The following TTLL9 variants were observed in gnomAD, a reference collection of about 807,000 sequenced individuals.
The protein encoded by TTLL9 is tubulin tyrosine ligase like 9.
A neutral mutation model predicts 65.6 loss-of-function variants in TTLL9; 47 were observed. That is an observed-to-expected ratio of 0.72 (90% CI 0.57 to 0.91). The LOEUF (loss-of-function observed/expected upper bound fraction) is 0.91, where lower values mean the gene tolerates loss of function less well. Among genes scored for constraint, TTLL9 ranks in the 40% least tolerant of loss-of-function variants. TTLL9 has a pLI of 0.00. For missense variants in TTLL9, 537 were observed against 568.8 expected (o/e 0.94, Z 0.57); for synonymous variants, 179 against 204.8 (o/e 0.87, Z 1.07).
At chr20:31,902,847 G>T (rs191454108) in intron 4 of TTLL9, among the ~76,000 whole-genome samples, 23 of 152,080 alleles carry the variant, frequency 1.5e-4, no homozygotes, top group Admixed American at 8.5e-4. Flanking sequence ...ACCAACTCTC[G>T]TTATTATTCA....
At chr20:31,910,479 C>T (rs1389470559) in intron 6 of TTLL9, among the ~76,000 whole-genome samples, 3 of 152,186 alleles carry the variant, frequency 2.0e-5, no homozygotes, top group South Asian at 4.1e-4. Flanking sequence ...GAGGGATCCA[C>T]AGGAGGCTCT....
chr20:31,881,270 A>G (rs1427467718), intron 2 of TTLL9, among the ~76,000 whole-genome samples: 2 of 152,150 alleles, frequency 1.3e-5, no homozygotes, highest in Non-Finnish European at 2.9e-5. Flanking sequence ...TCATGTGACT[A>G]TTTGTTTAAC....
chr20:31,871,497 T>C (rs1200010035), intron 2 of TTLL9, among the ~76,000 whole-genome samples: 1 of 152,198 alleles, frequency 6.6e-6, no homozygotes, highest in Non-Finnish European at 1.5e-5. Context: ...CCAGCTTTGT[T>C]CCTTCAGCCA....
intron 6 of TTLL9, 24 bp downstream of exon 6, chr20:31,909,946 G>A: frequency 6.4e-7 from 1 of 1,567,454 alleles, no homozygotes; most frequent in East Asian, 2.3e-5. Flanking sequence ...GCCAGGGGCT[G>A]GGTGGGAGGG....
chr20:31,940,311 T>G (rs1283785802), intron 14 of TTLL9: 2 of 152,244 alleles, frequency 1.3e-5, no homozygotes, highest in Non-Finnish European at 2.9e-5. Context: ...TTTTTTAAAT[T>G]TGCATTTCTT....
chr20:31,908,043 C>T (rs2063585642), intron 4 of TTLL9, among the ~76,000 whole-genome samples: 1 of 152,128 alleles, frequency 6.6e-6, no homozygotes, highest in Admixed American at 6.5e-5. Flanking sequence ...GGGTGTGGGT[C>T]CTGCTGCTGC....
intron 7 of TTLL9, among the ~76,000 whole-genome samples, chr20:31,920,161 A>G (rs2063794812): frequency 6.6e-6 from 1 of 152,190 alleles, no homozygotes; most frequent in Non-Finnish European, 1.5e-5. Context: ...TTCACCTGTC[A>G]GTGCCCCAGT....
chr20:31,937,447 A>G lies in TTLL9; in HGVS notation c.1056A>G (p.Glu352=). 6.2e-7 allele frequency: 1 copy of G among 1,613,920 alleles called. No individual in the cohort carries two copies. The highest frequency in any genetic ancestry group is 8.5e-7 in the Non-Finnish European group (1 of 1,179,890). ...CATCACTGACAGCCAGCAGCCAGGA[A>G]GACTATGAGCTCAAGACCTGCCTCC... The part of the protein sequence containing the change: ...ASPSLTASSQ[E]DYELKTCLLE... Residue 352 remains glutamate (E), a synonymous_variant, in exon 13 of 15, where the codon GAA becomes GAG. Transcript: ENST00000535842.
Position 31,943,041 on chromosome 20 carries a change from A to T in TTLL9, c.*20A>T, listed in dbSNP as rs769491446. On this transcript the variant is annotated 3_prime_UTR_variant, in exon 15 of 15. Coordinates refer to ENST00000535842, the MANE Select transcript of TTLL9 (RefSeq NM_001008409.5). ...AGTTGATCCCCAGCTGCCAGGAGGA[A>T]ATCAGCCTTAGCAGGTGCCACCCAG... is the stretch of plus-strand genomic sequence containing the variant. The T allele has an allele frequency of 6.3e-5, 101 of 1,613,082 alleles. No homozygotes were observed. The highest frequency in any genetic ancestry group is 8.3e-5 in the Non-Finnish European group (98 of 1,179,662).
chr20:31,910,850 G>A (rs78160625), intron 6 of TTLL9, among the ~76,000 whole-genome samples: 1 of 152,110 alleles, frequency 6.6e-6, no homozygotes, highest in Non-Finnish European at 1.5e-5. Context: ...GCAAAGGCTT[G>A]GTATCAGGAG....
intron 7 of TTLL9, among the ~76,000 whole-genome samples, chr20:31,922,287 A>G (rs746173305): frequency 6.6e-6 from 1 of 152,108 alleles, no homozygotes; most frequent in Non-Finnish European, 1.5e-5. Flanking sequence ...AAATTGTGGT[A>G]AAATCTGTAA....
At chr20:31,934,343 T>C in intron 11 of TTLL9, 1 of 522,424 alleles carries the variant, frequency 1.9e-6, no homozygotes. Flanking sequence ...AGTGGGGCCC[T>C]TGTGCATACA....
At chr20:31,934,216 G>C (rs932908278) in intron 11 of TTLL9, 1 of 492,528 alleles carries the variant, frequency 2.0e-6, no homozygotes, top group African/African-American at 1.9e-5. Context: ...GCAAGGCCAG[G>C]TTCAAATACA....
chr20:31,879,832 C>A, intron 2 of TTLL9: 1 of 1,549,534 alleles, frequency 6.5e-7, no homozygotes, highest in Non-Finnish European at 8.7e-7. Context: ...GACGCATAAG[C>A]ACGCGAGGCG....
Position 31,904,350 on chromosome 20 carries a change from C to CTTTT in TTLL9, c.207-4219_207-4216dup, listed in dbSNP as rs71185374. ...ATGGTTCTAGCATTTTTTGATAATT[C>CTTTT]TTTTTTTTTTTTTTTTTTTTTTTTT... On this transcript the variant is annotated intron_variant, in intron 4 of 14. Coordinates refer to ENST00000535842, the MANE Select transcript of TTLL9 (RefSeq NM_001008409.5). Among the ~76,000 whole-genome samples, 108 of 81,764 alleles carry CTTTT rather than the reference C, an allele frequency of 1.3e-3. 2 individuals carry two copies. The highest frequency in any genetic ancestry group is 1.6e-3 in the Non-Finnish European group (69 of 44,232). The allele number at this position is 81,764 out of a possible 152,430, so 53.6% of individuals were successfully genotyped here.
rs1251086186 is a variant in TTLL9 at position 31,943,675 on chromosome 20, G to A, written c.*654G>A. 2.2e-6 allele frequency: 1 copy of A among 455,552 alleles called. No homozygotes were observed. The highest frequency in any genetic ancestry group is 2.0e-5 in the African/African-American group (1 of 50,022). 28.2% of individuals were successfully genotyped at this position (455,552 alleles called of 1,614,324 possible). On this transcript the variant is annotated 3_prime_UTR_variant, in exon 15 of 15. Coordinates refer to ENST00000535842, the MANE Select transcript of TTLL9 (RefSeq NM_001008409.5). ...ACAGGGCATCCCCATTTCTCAGATG[G>A]ACAAGACAGACCAGGGAGGCAGAGC...
intron 10 of TTLL9, among the ~76,000 whole-genome samples, chr20:31,929,012 A>T (rs2063958907): frequency 6.6e-6 from 1 of 152,158 alleles, no homozygotes; most frequent in African/African-American, 2.4e-5. Context: ...TGCAGCTGAG[A>T]CCACAGGCAC....
At position 31,934,716 on chromosome 20, in the gene TTLL9, T is replaced by C; in HGVS notation, c.832T>C (p.Phe278Leu). The C allele has an allele frequency of 5.0e-6, 8 of 1,612,058 alleles. No individual in the cohort carries two copies. Among genetic ancestry groups the C allele is most frequent in the Non-Finnish European group, 6.8e-6 (8 of 1,179,822 alleles). The change falls in exon 12 of 15, where the codon TTC becomes CTC. Residue 278 changes from phenylalanine (F) to leucine (L), a missense_variant. This residue lies in a region of TTLL9 where 205 missense variants were observed against 225.9 expected (regional missense o/e 0.91). Transcript: ENST00000535842. ...GGGCTGCAAGTGGACGCTGCAGCGC[T>C]TCCGGCAGTACCTGGCGTCCAAACA... ...KKGCKWTLQR[F>L]RQYLASKHGP... is the part of the protein sequence containing the mutation.
At chr20:31,933,611 G>C (rs575626877) in intron 10 of TTLL9, among the ~76,000 whole-genome samples, 189 bp from the exon 11 acceptor site, 1 of 152,112 alleles carries the variant, frequency 6.6e-6, no homozygotes, top group African/African-American at 2.4e-5. Flanking sequence ...TGGCTTTTCA[G>C]GAGCCCACAG....
Sources: gnomAD v4.1 joint callset for allele counts (sites outside exome capture counted in the v4.1 genomes callset) on GRCh38, gnomAD v4.1.1 for gene constraint, gnomAD v4.1.1 regional missense constraint, MANE v1.5 for transcripts, NCBI Gene and HGNC (gene_info 2026-07-23, HGNC 2026-07-21) for gene names.